Variants in PNPLA6 observed in about 807,000 individuals in gnomAD.
The protein encoded by PNPLA6 is patatin like domain 6, lysophospholipase.
PNPLA6 carries 105 observed loss-of-function variants against 153.7 expected under a neutral mutation model. That is an observed-to-expected ratio of 0.68 (90% CI 0.58 to 0.80). The LOEUF (loss-of-function observed/expected upper bound fraction) is 0.80. Among genes scored for constraint, PNPLA6 ranks in the 30% least tolerant of loss-of-function variants. PNPLA6 has a pLI of 0.00. For missense variants in PNPLA6, 1,423 were observed against 1,919.3 expected (o/e 0.74, Z 4.83); for synonymous variants, 825 against 822.2 (o/e 1.00, Z -0.06).
chr19:7,554,307 G>T (rs904178063), intron 20 of PNPLA6, 35 bp downstream of exon 20: 5 of 1,583,634 alleles, frequency 3.2e-6, no homozygotes, highest in Non-Finnish European at 4.3e-6. Context: ...GAGGGTGGTG[G>T]GTGGGCCTGG....
intron 17 of PNPLA6, 42 bp from the exon 18 acceptor site, chr19:7,551,320 C>T: frequency 6.3e-7 from 1 of 1,593,364 alleles, no homozygotes; most frequent in Non-Finnish European, 8.6e-7. Context: ...TGGACAGCCG[C>T]TTCCCAGGTC....
At chr19:7,552,617 TGGTGGTG>T (rs1288763450) in intron 18 of PNPLA6, among the ~76,000 whole-genome samples, 1 of 151,150 alleles carries the variant, frequency 6.6e-6, no homozygotes, top group Admixed American at 6.6e-5. Context: ...TAGTCGGGTG[TGGTGGTG>T]GGTGCCTGTA....
At position 7,536,181 on chromosome 19, in the gene PNPLA6, C is replaced by T. The variant is rs749485417; in HGVS notation, c.233-10C>T. On this transcript the variant is annotated splice_polypyrimidine_tract_variant and intron_variant, in intron 1 of 31. Coordinates refer to ENST00000600737, the MANE Select transcript of PNPLA6 (RefSeq NM_001166114.2). ...GAGCTCGGAGTGCCCCTGTCCCCAC[C>T]TATCCCCAGAAACCCCAGCCCCGGA... 2.5e-6 allele frequency: 4 copies of T among 1,598,970 alleles called. No individual in the cohort carries two copies. The highest frequency in any genetic ancestry group is 2.7e-5 in the African/African-American group (2 of 74,744).
At chr19:7,557,337 C>A in intron 27 of PNPLA6, 53 bp downstream of exon 27, 3 of 1,095,786 alleles carry the variant, frequency 2.7e-6, no homozygotes, top group South Asian at 2.8e-5. Flanking sequence ...GCACCACACA[C>A]ACGCACACGC....
chr19:7,540,319 C>A lies in PNPLA6; in HGVS notation c.714+11C>A. 6.2e-7 allele frequency: 1 copy of A among 1,600,668 alleles called. No individual in the cohort carries two copies. The highest frequency in any genetic ancestry group is 8.5e-7 in the Non-Finnish European group (1 of 1,176,152). The stretch of plus-strand genomic sequence containing the variant: ...TGTCTGCCAGGGCCTGTGAGTGGGC[C>A]TCCCCAGGGGCTGCTGCAGGAGGAT... On this transcript the variant is annotated intron_variant, in intron 5 of 31. Coordinates refer to ENST00000600737, the MANE Select transcript of PNPLA6 (RefSeq NM_001166114.2). This position sits in a 1 kb window ranked among gnomAD's most constrained non-coding sequence, Gnocchi z 6.8.
chr19:7,536,334 T>C, intron 2 of PNPLA6, 61 bp downstream of exon 2: 2 of 1,457,364 alleles, frequency 1.4e-6, no homozygotes, highest in Non-Finnish European at 1.9e-6. Context: ...CTTCCCTATT[T>C]ACACTTCTTA....
chr19:7,542,067 G>A lies in PNPLA6; in HGVS notation c.1252G>A (p.Gly418Ser). The part of the protein sequence containing the change: ...RCVSMPGDIS[G>S]LQGGPRSDFD... The stretch of plus-strand genomic sequence containing the variant: ...CGTCTCCATGCCAGGGGACATCTCA[G>A]GTTTGGAGCACTGGGTCTGCGGGGA... The change falls in exon 10 of 32, where the codon GGC (glycine) becomes AGC (serine). Residue 418 changes from glycine (G) to serine (S), a missense_variant and splice_region_variant. This residue lies in a region of PNPLA6 where 267 missense variants were observed against 255.1 expected (regional missense o/e 1.05). Coordinates refer to ENST00000600737, the MANE Select transcript of PNPLA6 (RefSeq NM_001166114.2). 6.2e-7 allele frequency: 1 copy of A among 1,605,246 alleles called. No individual in the cohort carries two copies. Among genetic ancestry groups the A allele is most frequent in the Non-Finnish European group, 8.5e-7 (1 of 1,179,704 alleles).
intron 28 of PNPLA6, among the ~76,000 whole-genome samples, chr19:7,560,204 A>G (rs1350914831): frequency 1.3e-5 from 2 of 151,574 alleles, no homozygotes; most frequent in East Asian, 3.8e-4. Flanking sequence ...AAAAAGAAAG[A>G]AATTGATCAG....
chr19:7,542,487 A>G lies in PNPLA6; in HGVS notation c.1253-74A>G, dbSNP rs1238064023. 8 of 1,137,414 alleles carry G rather than the reference A, an allele frequency of 7.0e-6. No individual in the cohort carries two copies. In the East Asian group the frequency reaches 1.9e-4, roughly 28 times the overall value. The allele number at this position is 1,137,414 out of a possible 1,614,324, so 70.5% of individuals were successfully genotyped here. A position where few individuals can be genotyped will look rare whatever the true frequency, so the allele number is the denominator to read the frequency against. On this transcript the variant is annotated intron_variant, in intron 10 of 31. Transcript: ENST00000600737. ...ATAGCTGGAACTACAGGCCTGCACC[A>G]CTACACCTGGCTCATTTTTTAAAAA...
chr19:7,546,273 T>C (rs959712045), intron 13 of PNPLA6, among the ~76,000 whole-genome samples: 2 of 152,026 alleles, frequency 1.3e-5, no homozygotes, highest in Non-Finnish European at 2.9e-5. Context: ...CAATATTTTT[T>C]GGGGGGGTGT....
At chr19:7,538,165 A>T (rs569424720) in intron 3 of PNPLA6, among the ~76,000 whole-genome samples, 1 of 152,094 alleles carries the variant, frequency 6.6e-6, no homozygotes. Flanking sequence ...AAAAGGAATA[A>T]TCATAACAAT....
chr19:7,551,534 T>C (rs2023651142), intron 18 of PNPLA6, 97 bp downstream of exon 18: 3 of 1,079,614 alleles, frequency 2.8e-6, no homozygotes, highest in Non-Finnish European at 1.4e-6. Flanking sequence ...TGCTGGGAAA[T>C]GGAGTTCCGC....
chr19:7,558,183 G>A (rs192646362), intron 27 of PNPLA6, among the ~76,000 whole-genome samples: 348 of 152,292 alleles, frequency 2.3e-3, no homozygotes, highest in African/African-American at 7.7e-3. Flanking sequence ...GGTGAGAAGC[G>A]GGCAGGTACA....
intron 31 of PNPLA6, 28 bp downstream of exon 31, chr19:7,561,345 C>T: frequency 6.5e-7 from 1 of 1,528,412 alleles, no homozygotes; most frequent in Non-Finnish European, 9.0e-7. Context: ...AGGGTCCCCT[C>T]ACATCCCCCA....
At chr19:7,549,620 C>T in intron 13 of PNPLA6, 1 of 468,136 alleles carries the variant, frequency 2.1e-6, no homozygotes. Flanking sequence ...TCCTGAGTAG[C>T]TGGAATTACA....
Position 7,536,559 on chromosome 19 carries a change from T to C in PNPLA6, c.413+13T>C. 1 of 1,572,286 alleles carries C rather than the reference T, an allele frequency of 6.4e-7. No homozygotes were observed. The highest frequency in any genetic ancestry group is 8.8e-7 in the Non-Finnish European group (1 of 1,141,832). On this transcript the variant is annotated intron_variant, in intron 3 of 31. Coordinates refer to ENST00000600737, the MANE Select transcript of PNPLA6 (RefSeq NM_001166114.2). ...ACATTGCCAAGAAGTAAGGCTGTGC[T>C]GGGTGTGACCTGGTATTAGGGGTTA...
chr19:7,535,756 C>G lies in PNPLA6; in HGVS notation c.-33C>G, dbSNP rs1269756007. The G allele has an allele frequency of 1.3e-6, 2 of 1,520,528 alleles. No individual in the cohort carries two copies. Among genetic ancestry groups the G allele is most frequent in the Non-Finnish European group, 1.8e-6 (2 of 1,134,658 alleles). The allele number at this position is 1,520,528 out of a possible 1,614,324, so 94.2% of individuals were successfully genotyped here. On this transcript the variant is annotated 5_prime_UTR_variant, in exon 1 of 32. Transcript: ENST00000600737. This position sits in a 1 kb window ranked among gnomAD's most constrained non-coding sequence, Gnocchi z 5.0. ...CGGGCCTCAGGGAAGAGTCGCGCCC[C>G]CGGGGAGGGAGCAGCACTGGCCCAT...
rs1470102073 is a variant in PNPLA6, at chr19:7,558,898, TG to T, written c.3450del (p.Ser1151AlafsTer24). Reference protein sequence around the residue: ...MGAKTVIAIDVGSQDETDLST... With the variant: ...MGAKTVIAIDXGSQDETDLST... The stretch of plus-strand genomic sequence containing the variant: ...GCCAAAACGGTCATCGCCATTGACG[TG>T]GGGAGCCAGGATGAGACGGACCTCA... On this transcript the variant is annotated frameshift_variant, in exon 28 of 32. Transcript: ENST00000600737. LOFTEE classifies it high-confidence loss of function. 1 of 1,613,800 alleles carries T rather than the reference TG, an allele frequency of 6.2e-7. No individual in the cohort carries two copies. The highest frequency in any genetic ancestry group is 2.2e-5 in the East Asian group (1 of 44,876).
rs199585191 is a variant in PNPLA6 at position 7,560,985 on chromosome 19, CT to C, written c.3817-28del. 11,316 of 1,518,614 alleles carry C rather than the reference CT, an allele frequency of 7.5e-3. 90 individuals are homozygous for C. Among genetic ancestry groups the C allele is most frequent in the Middle Eastern group, 0.036 (214 of 5,936 alleles). The allele number at this position is 1,518,614 out of a possible 1,614,324, so 94.1% of individuals were successfully genotyped here. ...GGCCCCAAGACTCTGTGGGCCCCCCCTAAGAGCCTCACCAGTGTCACCCCAC... is the reference window on the plus strand; with the variant it reads ...GGCCCCAAGACTCTGTGGGCCCCCCCAAGAGCCTCACCAGTGTCACCCCAC... On this transcript the variant is annotated intron_variant, in intron 29 of 31. Coordinates refer to ENST00000600737, the MANE Select transcript of PNPLA6 (RefSeq NM_001166114.2).
Sources: gnomAD v4.1 joint callset for allele counts (sites outside exome capture counted in the v4.1 genomes callset) on GRCh38, gnomAD v4.1.1 for gene constraint, gnomAD v4.1.1 regional missense constraint, Gnocchi (gnomAD v3.1) non-coding constraint, MANE v1.5 for transcripts, NCBI Gene and HGNC (gene_info 2026-07-23, HGNC 2026-07-21) for gene names.